PCLO: variants seen among roughly 807,000 people sequenced by gnomAD.
The protein encoded by PCLO is piccolo presynaptic cytomatrix protein, also known as protein piccolo.
Under a neutral mutation model 427.5 loss-of-function variants are expected in PCLO, and 82 were observed. That is an observed-to-expected ratio of 0.19 (90% CI 0.16 to 0.23). The LOEUF (loss-of-function observed/expected upper bound fraction) is 0.23. Among genes scored for constraint, PCLO ranks in the 10% least tolerant of loss-of-function variants. The pLI is 1.00. For synonymous variants in PCLO, 2,357 were observed against 2,155.4 expected (o/e 1.09, Z -2.59); for missense variants, 6,239 against 6,115.9 (o/e 1.02, Z -0.67).
At chr7:82,817,123 T>C (rs1035111732) in intron 20 of PCLO, among the ~76,000 whole-genome samples, 4 of 152,116 alleles carry the variant, frequency 2.6e-5, no homozygotes, top group Non-Finnish European at 5.9e-5. Flanking sequence ...ACCAGAGAAA[T>C]AGGTATAGAA....
Position 83,154,735 on chromosome 7 carries a change from T to C in PCLO, c.1893+13A>G. ...GGCTGAAGAGTATGGACTCAGTGAA[T>C]AAATGCACTTACCTCCGTTAAATGA... is the stretch of plus-strand genomic sequence containing the variant. On this transcript the variant is annotated intron_variant, in intron 2 of 24. Coordinates refer to ENST00000333891, the MANE Select transcript of PCLO (RefSeq NM_033026.6). 3 of 1,599,260 alleles carry C rather than the reference T, an allele frequency of 1.9e-6. No homozygotes were observed. The highest frequency in any genetic ancestry group is 2.6e-6 in the Non-Finnish European group (3 of 1,166,854).
At chr7:82,814,429 G>A (rs1429999584) in intron 20 of PCLO, among the ~76,000 whole-genome samples, 3 of 151,226 alleles carry the variant, frequency 2.0e-5, no homozygotes. Flanking sequence ...ATAAGTCTAA[G>A]TTGGTGACTT....
At chr7:82,858,626 CA>C (rs1429007886) in intron 10 of PCLO, among the ~76,000 whole-genome samples, 2 of 151,990 alleles carry the variant, frequency 1.3e-5, no homozygotes, top group Non-Finnish European at 2.9e-5. Context: ...AAATCAACAA[CA>C]AAAATCAGCC....
At chr7:82,811,591 T>C (rs1257035324) in intron 20 of PCLO, among the ~76,000 whole-genome samples, 2 of 151,586 alleles carry the variant, frequency 1.3e-5, no homozygotes, top group Non-Finnish European at 3.0e-5. Context: ...ATGTTTTCTA[T>C]TACAGTTCAG....
intron 2 of PCLO, among the ~76,000 whole-genome samples, chr7:83,141,400 T>G (rs957154774): frequency 6.6e-6 from 1 of 152,222 alleles, no homozygotes; most frequent in Non-Finnish European, 1.5e-5. Context: ...AGAAGGTGCA[T>G]AAATGAAATT....
At chr7:82,836,487 C>T (rs2115748054) in intron 15 of PCLO, among the ~76,000 whole-genome samples, 1 of 152,166 alleles carries the variant, frequency 6.6e-6, no homozygotes, top group South Asian at 2.1e-4. Context: ...ACAAAAACTA[C>T]CTTTTCCTAT....
chr7:82,923,003 T>C (rs1794633288), intron 6 of PCLO, among the ~76,000 whole-genome samples: 1 of 152,000 alleles, frequency 6.6e-6, no homozygotes, highest in Admixed American at 6.6e-5. Context: ...GTGGTAGAGA[T>C]GTGGATTCTT....
intron 3 of PCLO, among the ~76,000 whole-genome samples, chr7:83,012,906 G>A (rs575404338): frequency 2.6e-5 from 4 of 152,052 alleles, no homozygotes; most frequent in African/African-American, 7.2e-5. Flanking sequence ...TATAACTTAC[G>A]AGATACTGAT....
In PCLO at chr7:82,928,204, A is replaced by T. The variant is rs183132557; in HGVS notation, c.11113-11331T>A. Among the ~76,000 whole-genome samples, 578 of 152,320 alleles carry T rather than the reference A, an allele frequency of 3.8e-3. 3 individuals carry two copies. The highest frequency in any genetic ancestry group is 0.013 in the African/African-American group (536 of 41,570). On this transcript the variant is annotated intron_variant, in intron 6 of 24. Transcript: ENST00000333891. Reference sequence around the variant, plus strand: ...TTAACTGATGTCCCATAATATTGTGATTAGCATAGACTAGGCATTCAAGTG... The same window carrying T: ...TTAACTGATGTCCCATAATATTGTGTTTAGCATAGACTAGGCATTCAAGTG...
chr7:82,915,117 C>T lies in PCLO; in HGVS notation c.12869G>A (p.Arg4290Lys). The stretch of plus-strand genomic sequence containing the variant: ...GACAGAGGAAGGTCTGGAGGAAGGT[C>T]TGGACCTGCTGCCACTACTGTATGG... ...DKPYSSGSRSRPSSRPSSVYG... is the reference protein window; with the variant it reads ...DKPYSSGSRSKPSSRPSSVYG... The change falls in exon 7 of 25, where the codon AGA becomes AAA. Residue 4290 changes from arginine to lysine, a missense_variant. Coordinates refer to ENST00000333891, the MANE Select transcript of PCLO (RefSeq NM_033026.6). 1 of 1,589,878 alleles carries T rather than the reference C, an allele frequency of 6.3e-7. No individual in the cohort carries two copies. Among genetic ancestry groups the T allele is most frequent in the Non-Finnish European group, 8.6e-7 (1 of 1,167,422 alleles).
intron 3 of PCLO, among the ~76,000 whole-genome samples, chr7:83,096,279 C>T (rs1790535284): frequency 6.6e-6 from 1 of 151,186 alleles, no homozygotes; most frequent in Non-Finnish European, 1.5e-5. Flanking sequence ...TTGCAAGAGA[C>T]TTGACCTATG....
chr7:82,794,097 TTCTTA>T (rs1326751694), intron 22 of PCLO, among the ~76,000 whole-genome samples: 1 of 152,190 alleles, frequency 6.6e-6, no homozygotes, highest in South Asian at 2.1e-4. Flanking sequence ...ATCGTTTGAA[TTCTTA>T]TCTTTTCTTC....
intron 3 of PCLO, among the ~76,000 whole-genome samples, chr7:83,076,267 C>A (rs541579580): frequency 6.6e-6 from 1 of 151,834 alleles, no homozygotes; most frequent in East Asian, 1.9e-4. Flanking sequence ...ATGGTGGAGC[C>A]ATTCACTTCT....
At position 83,048,849 on chromosome 7, in the gene PCLO, A is replaced by G. The variant is rs574670831; in HGVS notation, c.3301-82362T>C. Among the ~76,000 whole-genome samples the G allele has an allele frequency of 1.4e-3, 219 of 152,276 alleles. 1 individual carries two copies. In the East Asian group the frequency reaches 0.015, roughly 10 times the overall value. On this transcript the variant is annotated intron_variant, in intron 3 of 24. Coordinates refer to ENST00000333891, the MANE Select transcript of PCLO (RefSeq NM_033026.6). The stretch of plus-strand genomic sequence containing the variant: ...TTTTTTCAAATTTCAGCTTAAAAAA[A>G]CTATTCTGAGCCCACTATAATACAC...
At chr7:82,883,413 A>G (rs1314828700) in intron 9 of PCLO, among the ~76,000 whole-genome samples, 1 of 152,204 alleles carries the variant, frequency 6.6e-6, no homozygotes, top group Non-Finnish European at 1.5e-5. Flanking sequence ...AAACCAAATT[A>G]TATTAAAAAT....
At chr7:82,758,905 A>G (rs1386493580) in intron 24 of PCLO, among the ~76,000 whole-genome samples, 190 bp from the exon 25 acceptor site, 1 of 151,886 alleles carries the variant, frequency 6.6e-6, no homozygotes, top group Non-Finnish European at 1.5e-5. Context: ...TGCATGTAAT[A>G]TAAATTAATT....
At position 83,024,291 on chromosome 7, in the gene PCLO, G is replaced by C. The variant is rs143453213; in HGVS notation, c.3301-57804C>G. On this transcript the variant is annotated intron_variant, in intron 3 of 24. Transcript: ENST00000333891. ...AGCAGGGTGAGGCATTGCCTCACTC[G>C]GGAAGCGCAAGGGGTCACCGAGTTC... Among the ~76,000 whole-genome samples the C allele has an allele frequency of 2.5e-4, 38 of 152,288 alleles. 1 individual carries two copies. The South Asian group carries it at 7.7e-3, about 31-fold the overall frequency.
At chr7:82,906,092 C>A (rs1244980761) in intron 8 of PCLO, among the ~76,000 whole-genome samples, 1 of 151,770 alleles carries the variant, frequency 6.6e-6, no homozygotes, top group African/African-American at 2.4e-5. Context: ...TAAGTATACA[C>A]ATATATTTGA....
intron 20 of PCLO, among the ~76,000 whole-genome samples, chr7:82,806,059 G>GA (rs1279392817): frequency 6.6e-6 from 1 of 152,046 alleles, no homozygotes; most frequent in Non-Finnish European, 1.5e-5. Context: ...CACCTTTAGG[G>GA]AAAAACACAT....
Sources: gnomAD v4.1 joint callset for allele counts (sites outside exome capture counted in the v4.1 genomes callset) on GRCh38, gnomAD v4.1.1 for gene constraint, MANE v1.5 for transcripts, NCBI Gene and HGNC (gene_info 2026-07-23, HGNC 2026-07-21) for gene names.